The following OXR1 variants were observed in gnomAD, a reference collection of about 807,000 sequenced individuals.
The protein encoded by OXR1 is oxidation resistance protein 1.
Under a neutral mutation model 104.6 loss-of-function variants are expected in OXR1, and 41 were observed. The observed-to-expected ratio is 0.39, with a 90% CI of 0.31 to 0.51. The LOEUF is 0.51. Ranked by LOEUF, OXR1 falls within the 20% of genes least tolerant of loss-of-function variation. The pLI, the probability that OXR1 is intolerant of heterozygous loss-of-function variation, is 0.77. For missense variants in OXR1, 955 were observed against 1,031.9 expected, an observed-to-expected ratio of 0.93 and a Z score of 1.02; for synonymous variants, 348 against 348.4, an observed-to-expected ratio of 1.00 and a Z score of 0.01.
At chr8:106,422,623 C>T (rs541258994) in intron 2 of OXR1, among the ~76,000 whole-genome samples, 8 of 152,110 alleles carry the variant, frequency 5.3e-5, no homozygotes, top group Non-Finnish European at 7.4e-5. Context: ...CATGAAGAGC[C>T]GTATGACTTC....
chr8:106,393,184 A>G (rs1314438194), intron 2 of OXR1, among the ~76,000 whole-genome samples: 1 of 152,196 alleles, frequency 6.6e-6, no homozygotes, highest in Non-Finnish European at 1.5e-5. Flanking sequence ...CAAATGTATG[A>G]CAAAGAGAAA....
chr8:106,431,552 T>C (rs560568988), intron 2 of OXR1, among the ~76,000 whole-genome samples: 10 of 152,334 alleles, frequency 6.6e-5, no homozygotes, highest in Non-Finnish European at 1.3e-4. Context: ...TCATGCTTCA[T>C]TTTTCTTCAT....
intron 2 of OXR1, among the ~76,000 whole-genome samples, chr8:106,411,095 A>C (rs1818441101): frequency 6.6e-6 from 1 of 152,164 alleles, no homozygotes; most frequent in Non-Finnish European, 1.5e-5. Flanking sequence ...AGATGAGTGT[A>C]ATAAAGAAAA....
At chr8:106,549,426 G>C (rs2130394150) in intron 3 of OXR1, among the ~76,000 whole-genome samples, 1 of 152,254 alleles carries the variant, frequency 6.6e-6, no homozygotes, top group Middle Eastern at 3.4e-3. Flanking sequence ...TAGCAAATAT[G>C]TATGAACACA....
chr8:106,418,064 C>T (rs1407047229), intron 2 of OXR1, among the ~76,000 whole-genome samples: 1 of 151,968 alleles, frequency 6.6e-6, no homozygotes, highest in Non-Finnish European at 1.5e-5. Flanking sequence ...TAAAGGGACT[C>T]ATCTTAAATT....
chr8:106,359,768 C>A, intron 2 of OXR1, 132 bp downstream of exon 2: 1 of 690,322 alleles, frequency 1.4e-6, no homozygotes, highest in South Asian at 1.6e-5. Context: ...ATTATTGTCC[C>A]ATGTTAGCGT....
chr8:106,716,630 CAAAAAAAAAAAA>C (rs760744812), intron 11 of OXR1, among the ~76,000 whole-genome samples: 1 of 71,474 alleles, frequency 1.4e-5, no homozygotes, highest in Admixed American at 1.9e-4. Flanking sequence ...GACTCCGTCT[CAAAAAAAAAAAA>C]AAAAAAAAAA....
intron 2 of OXR1, among the ~76,000 whole-genome samples, chr8:106,477,412 T>C (rs1821865659): frequency 6.6e-6 from 1 of 152,002 alleles, no homozygotes; most frequent in African/African-American, 2.4e-5. Flanking sequence ...TACATACATG[T>C]ATTACTGTTA....
intron 2 of OXR1, among the ~76,000 whole-genome samples, chr8:106,399,867 C>T (rs1817930228): frequency 6.6e-6 from 1 of 152,108 alleles, no homozygotes; most frequent in African/African-American, 2.4e-5. Flanking sequence ...CTGAGTTTTG[C>T]TGTCTCTATG....
intron 3 of OXR1, among the ~76,000 whole-genome samples, chr8:106,625,600 A>G (rs1822081985): frequency 6.6e-6 from 1 of 152,196 alleles, no homozygotes; most frequent in Admixed American, 6.5e-5. Flanking sequence ...GTCAGATTTA[A>G]GTTTTAAGTA....
chr8:106,526,476 T>C (rs1261960744), intron 3 of OXR1, among the ~76,000 whole-genome samples: 1 of 152,260 alleles, frequency 6.6e-6, no homozygotes, highest in African/African-American at 2.4e-5. Flanking sequence ...GATTAAGCTA[T>C]AATTTAGAGT....
At chr8:106,438,726 GATT>G (rs1462323299) in intron 2 of OXR1, among the ~76,000 whole-genome samples, 1 of 152,056 alleles carries the variant, frequency 6.6e-6, no homozygotes, top group Non-Finnish European at 1.5e-5. Flanking sequence ...TTACAGTTAG[GATT>G]CAATAAATGA....
chr8:106,624,098 G>T (rs1397034279), intron 3 of OXR1, among the ~76,000 whole-genome samples: 1 of 152,030 alleles, frequency 6.6e-6, no homozygotes, highest in Admixed American at 6.6e-5. Flanking sequence ...TGTTTCTCTG[G>T]AAAGTCAGGT....
chr8:106,472,154 A>G (rs1393750681), intron 2 of OXR1, among the ~76,000 whole-genome samples: 1 of 151,816 alleles, frequency 6.6e-6, no homozygotes, highest in Non-Finnish European at 1.5e-5. Flanking sequence ...GTTATTTTAA[A>G]GAACGTTTGA....
chr8:106,282,735 A>G (rs1270264971), intron 1 of OXR1, among the ~76,000 whole-genome samples: 1 of 152,186 alleles, frequency 6.6e-6, no homozygotes. Flanking sequence ...AAGGAGGAGA[A>G]AGAAGAGGGA....
At chr8:106,413,565 T>C (rs560561653) in intron 2 of OXR1, among the ~76,000 whole-genome samples, 324 of 152,178 alleles carry the variant, frequency 2.1e-3, no homozygotes, top group Non-Finnish European at 3.2e-3. Flanking sequence ...AGGTTAAGGG[T>C]CAATAATTAG....
chr8:106,448,308 T>G (rs1387491012), intron 2 of OXR1, among the ~76,000 whole-genome samples: 1 of 152,188 alleles, frequency 6.6e-6, no homozygotes, highest in Non-Finnish European at 1.5e-5. Context: ...CAGTATTCAT[T>G]GCATACGATC....
At chr8:106,623,289 C>A (rs933148890) in intron 3 of OXR1, among the ~76,000 whole-genome samples, 12 of 151,756 alleles carry the variant, frequency 7.9e-5, no homozygotes, top group Non-Finnish European at 1.8e-4. Flanking sequence ...AAGTATGAGA[C>A]CTTTTAAAAA....
In OXR1 at chr8:106,388,554, C is replaced by T. The variant is rs539420561; in HGVS notation, c.23+28918C>T. The stretch of plus-strand genomic sequence containing the variant: ...TCTCCTGCCTCAGCCTCCCGAGTAG[C>T]TGGGATTACAGGTGCCCACCACCAC... On this transcript the variant is annotated intron_variant, in intron 2 of 16. Coordinates refer to ENST00000517566, the MANE Select transcript of OXR1 (RefSeq NM_001198533.2). 5.3e-4 allele frequency among the ~76,000 whole-genome samples: 81 copies of T among 152,166 alleles called. 1 individual carries two copies. The highest frequency in any genetic ancestry group is 1.9e-3 in the African/African-American group (78 of 41,520).
Sources: allele counts gnomAD v4.1 joint callset (sites outside exome capture counted in the v4.1 genomes callset), GRCh38; gene constraint gnomAD v4.1.1; transcripts MANE v1.5; gene names NCBI Gene and HGNC (gene_info 2026-07-23, HGNC 2026-07-21).